The following ELF2 variants were observed in gnomAD, a reference collection of about 807,000 sequenced individuals.
ELF2 encodes E74 like ETS transcription factor 2.
A neutral mutation model predicts 54.8 loss-of-function variants in ELF2; 11 were observed. The ratio of observed to expected loss-of-function variants is 0.20; its 90% CI spans 0.13 to 0.33. ELF2 has a LOEUF of 0.33. Among genes scored for constraint, ELF2 ranks in the 10% least tolerant of loss-of-function variants. The pLI is 1.00. For synonymous variants in ELF2, 203 were observed against 245.1 expected (o/e 0.83, Z 1.61); for missense variants, 513 against 703.0 (o/e 0.73, Z 3.06).
At chr4:139,124,580 T>C (rs1736718865) in intron 4 of ELF2, among the ~76,000 whole-genome samples, 1 of 152,188 alleles carries the variant, frequency 6.6e-6, no homozygotes, top group South Asian at 2.1e-4. Flanking sequence ...TCATAATCAA[T>C]GGCAAAAACT....
Position 139,075,070 on chromosome 4 carries a change from A to C in ELF2, c.239-1503T>G, listed in dbSNP as rs57147122. 0.014 allele frequency among the ~76,000 whole-genome samples: 2,194 copies of C among 152,300 alleles called. 133 individuals carry two copies. The East Asian group carries it at 0.18, about 13-fold the overall frequency. On this transcript the variant is annotated intron_variant, in intron 4 of 9. Transcript: ENST00000686138. ...TCTCTTCAGAGCCTCAGTGGGTTTT[A>C]ACCTAAGACTTTTTCTTAGAGTTTA...
intron 3 of ELF2, among the ~76,000 whole-genome samples, chr4:139,133,414 T>C (rs539596040): frequency 7.0e-4 from 106 of 152,324 alleles, no homozygotes; most frequent in Non-Finnish European, 1.1e-3. Context: ...TTGATCTACA[T>C]GTCTGTTGGC....
intron 4 of ELF2, among the ~76,000 whole-genome samples, chr4:139,080,714 A>C (rs1202365779): frequency 6.6e-6 from 1 of 152,178 alleles, no homozygotes; most frequent in Non-Finnish European, 1.5e-5. Context: ...ACTTTAACAT[A>C]AATATTAGGA....
At chr4:139,160,530 C>G (rs1200091378) in intron 1 of ELF2, among the ~76,000 whole-genome samples, 1 of 152,090 alleles carries the variant, frequency 6.6e-6, no homozygotes, top group East Asian at 1.9e-4. Flanking sequence ...TAAAACAACT[C>G]AAAACATAAA....
At chr4:139,158,982 G>T (rs890105884) in intron 1 of ELF2, among the ~76,000 whole-genome samples, 7 of 152,142 alleles carry the variant, frequency 4.6e-5, no homozygotes, top group Non-Finnish European at 7.3e-5. Context: ...AAACTGCTTG[G>T]GTGATTTGAC....
chr4:139,125,146 A>T lies in ELF2; in HGVS notation c.238+18T>A. ...AATGAGAAAGTTATAAATAATGAAC[A>T]TTTTATGAGATGTCTACCTGTTTCC... On this transcript the variant is annotated intron_variant, in intron 4 of 9. Transcript: ENST00000686138. The T allele has an allele frequency of 3.8e-6, 6 of 1,589,620 alleles. No individual in the cohort carries two copies. The highest frequency in any genetic ancestry group is 5.1e-6 in the Non-Finnish European group (6 of 1,171,832).
At chr4:139,094,290 T>C (rs1351232518) in intron 4 of ELF2, among the ~76,000 whole-genome samples, 9 of 152,216 alleles carry the variant, frequency 5.9e-5, no homozygotes, top group Admixed American at 3.9e-4. Context: ...CTAGACCAGT[T>C]AGTTCCCAGC....
At chr4:139,064,420 G>A (rs1728378160) in intron 7 of ELF2, among the ~76,000 whole-genome samples, 1 of 152,142 alleles carries the variant, frequency 6.6e-6, no homozygotes, top group Non-Finnish European at 1.5e-5. Flanking sequence ...TAAGATACAG[G>A]CTATGTGGGA....
At chr4:139,138,192 G>A (rs960211869) in intron 2 of ELF2, among the ~76,000 whole-genome samples, 1 of 152,184 alleles carries the variant, frequency 6.6e-6, no homozygotes, top group Non-Finnish European at 1.5e-5. Context: ...GCCGAGGCAG[G>A]CGGATCACGA....
intron 4 of ELF2, among the ~76,000 whole-genome samples, chr4:139,093,798 T>C (rs1187641539): frequency 6.6e-6 from 1 of 152,100 alleles, no homozygotes; most frequent in Admixed American, 6.5e-5. Context: ...TTCAGATACA[T>C]TCCCTTCAAG....
At position 139,166,042 on chromosome 4, in the gene ELF2, CT is replaced by C. The variant is rs533182080; in HGVS notation, c.-252+10924del. On this transcript the variant is annotated intron_variant, in intron 1 of 9. Transcript: ENST00000686138. ...ATCTTCATCATTCACAGTTTTGATT[CT>C]TCTCTAAAAACAGGCTGGGCATGGT... is the stretch of plus-strand genomic sequence containing the variant. 1.2e-4 allele frequency among the ~76,000 whole-genome samples: 18 copies of C among 152,150 alleles called. No homozygotes were observed. In the East Asian group the frequency reaches 2.1e-3, roughly 18 times the overall value.
At chr4:139,149,265 T>A (rs936297385) in intron 1 of ELF2, among the ~76,000 whole-genome samples, 5 of 152,234 alleles carry the variant, frequency 3.3e-5, no homozygotes, top group Non-Finnish European at 7.3e-5. Context: ...AATCAATAGA[T>A]GAAAATCAGC....
rs1448160297 is a variant in ELF2, at chr4:139,125,197, C to G, written c.205G>C (p.Glu69Gln). Residue 69 changes from glutamate to glutamine, a missense_variant, in exon 4 of 10, where the codon GAA (glutamate) becomes CAA (glutamine). Physicochemically the swap from Glu to Gln is conservative, Grantham distance 29. This residue lies in a region of ELF2 where 203 missense variants were observed against 245.9 expected (regional missense o/e 0.83). Coordinates refer to ENST00000686138, the MANE Select transcript of ELF2 (RefSeq NM_001331036.3). ...ACATTCTCGGTCTCAACTTCTTGTT[C>G]TTCTGCCACATCTTGCATCATATAA... ...ETYMMQDVAE[E>Q]QEVETENVET... 1 of 1,612,642 alleles carries G rather than the reference C, an allele frequency of 6.2e-7. No homozygotes were observed. Among genetic ancestry groups the G allele is most frequent in the African/African-American group, 1.3e-5 (1 of 74,866 alleles).
chr4:139,136,724 GCA>G (rs1738200740), intron 3 of ELF2: 1 of 150,714 alleles, frequency 6.6e-6, no homozygotes, highest in East Asian at 2.0e-4. Flanking sequence ...GAGTGCAGTG[GCA>G]TGATCTCGGC....
chr4:139,090,913 GTTTGT>G (rs60267592), intron 4 of ELF2, among the ~76,000 whole-genome samples: 139,521 of 149,618 alleles, frequency 0.93, 65,421 homozygotes, highest in South Asian at 0.98. Context: ...ATAGTATATG[GTTTGT>G]TTTGTTTTGT....
intron 1 of ELF2, among the ~76,000 whole-genome samples, chr4:139,162,361 G>A (rs1741259784): frequency 2.6e-5 from 4 of 151,970 alleles, no homozygotes; most frequent in East Asian, 2.0e-4. Context: ...GTGAAACCCC[G>A]TCTCTACTAA....
intron 3 of ELF2, among the ~76,000 whole-genome samples, chr4:139,135,929 A>G (rs1418358232): frequency 6.6e-6 from 1 of 152,238 alleles, no homozygotes; most frequent in South Asian, 2.1e-4. Flanking sequence ...GAAGAAAAAT[A>G]TAAGGAGTAT....
chr4:139,060,724 C>A, intron 8 of ELF2, 50 bp from the exon 9 acceptor site: 2 of 1,459,224 alleles, frequency 1.4e-6, no homozygotes, highest in Non-Finnish European at 1.9e-6. Flanking sequence ...TTTCTTCACC[C>A]CACTCCACCC....
At chr4:139,084,380 C>G in intron 4 of ELF2, 1 of 1,453,898 alleles carries the variant, frequency 6.9e-7, no homozygotes, top group Non-Finnish European at 9.1e-7. Flanking sequence ...GCCCGCCTCC[C>G]GCCGCCGGGC....
Sources: allele counts gnomAD v4.1 joint callset (sites outside exome capture counted in the v4.1 genomes callset), GRCh38; gene constraint gnomAD v4.1.1; regional missense constraint gnomAD v4.1.1; transcripts MANE v1.5; gene names NCBI Gene and HGNC (gene_info 2026-07-23, HGNC 2026-07-21).